The following CALHM4 variants were observed in gnomAD, a reference collection of about 807,000 sequenced individuals.
CALHM4 encodes the protein calcium homeostasis modulator family member 4, also known as calcium homeostasis modulator protein 4.
CALHM4 carries 16 observed loss-of-function variants against 13.3 expected under a neutral mutation model. That is an observed-to-expected ratio of 1.20 (90% CI 0.81 to 1.82). The LOEUF is 1.82. Ranked by LOEUF, CALHM4 falls within the 40% of genes most tolerant of loss-of-function variation. The pLI, the probability that CALHM4 is intolerant of heterozygous loss-of-function variation, is 0.00. For synonymous variants in CALHM4, 127 were observed against 137.1 expected, an observed-to-expected ratio of 0.93 and a Z score of 0.52; for missense variants, 344 against 374.9, an observed-to-expected ratio of 0.92 and a Z score of 0.68.
intron 2 of CALHM4, among the ~76,000 whole-genome samples, chr6:116,544,149 A>AG (rs1773626252): frequency 2.9e-5 from 2 of 69,616 alleles, no homozygotes; most frequent in South Asian, 4.0e-4. Context: ...GCAAAGGTGA[A>AG]GAAGAGAGAG....
chr6:116,541,043 A>G (rs1219975929), intron 1 of CALHM4, among the ~76,000 whole-genome samples: 1 of 152,166 alleles, frequency 6.6e-6, no homozygotes, highest in African/African-American at 2.4e-5. Context: ...CTCATTTTTC[A>G]TTCCAGGGAA....
In CALHM4 at chr6:116,554,203, C is replaced by T. The variant is rs1774205883; in HGVS notation, c.410C>T (p.Ala137Val). The T allele has an allele frequency of 1.9e-6, 3 of 1,550,592 alleles. No individual in the cohort carries two copies. Among genetic ancestry groups the T allele is most frequent in the Non-Finnish European group, 1.7e-6 (2 of 1,146,996 alleles). Reference protein sequence around the residue: ...TYYECAASEFASVDHYPMFDN... With the variant: ...TYYECAASEFVSVDHYPMFDN... Reference sequence around the variant, plus strand: ...TATGAATGTGCAGCAAGTGAATTTGCATCTGTGGACCATTACCCAATGTTT... The same window carrying T: ...TATGAATGTGCAGCAAGTGAATTTGTATCTGTGGACCATTACCCAATGTTT... Residue 137 changes from alanine (A) to valine (V), a missense_variant, in exon 1 of 2, where the codon GCA becomes GTA. Ala to Val is a moderately conservative substitution (Grantham distance 64). Transcript: ENST00000368596.
intron 2 of CALHM4, among the ~76,000 whole-genome samples, chr6:116,546,291 A>G (rs879569891): frequency 6.6e-6 from 1 of 152,326 alleles, no homozygotes; most frequent in East Asian, 1.9e-4. Flanking sequence ...GACGTAAGCT[A>G]TTGAAGGCTC....
intron 2 of CALHM4, among the ~76,000 whole-genome samples, chr6:116,545,962 T>C (rs182923490): frequency 2.0e-5 from 3 of 152,348 alleles, no homozygotes; most frequent in Non-Finnish European, 2.9e-5. Flanking sequence ...CTTGGATTGA[T>C]TGTTGTAAGA....
chr6:116,553,916 T>C lies in CALHM4; in HGVS notation c.123T>C (p.Cys41=). 6.4e-7 allele frequency: 1 copy of C among 1,550,686 alleles called. No homozygotes were observed. The highest frequency in any genetic ancestry group is 1.2e-5 in the South Asian group (1 of 84,068). Residue 41 remains cysteine (C), a synonymous_variant, in exon 1 of 2, where the codon TGT becomes TGC. Coordinates refer to ENST00000368596, the MANE Select transcript of CALHM4 (RefSeq NM_001366078.2). Reference sequence around the variant, plus strand: ...TCTTCTCCTCTTCTACATTCAGCTGTCCTTGTCAGGTTGGAAAAAATTTCT... The same window carrying C: ...TCTTCTCCTCTTCTACATTCAGCTGCCCTTGTCAGGTTGGAAAAAATTTCT... ...QQLFSSSTFS[C]PCQVGKNFYY...
intron 1 of CALHM4, chr6:116,540,585 G>A: frequency 1.0e-6 from 1 of 955,562 alleles, no homozygotes; most frequent in South Asian, 1.6e-5. Flanking sequence ...AACCAAATAT[G>A]ACGAGTCAAA....
intron 2 of CALHM4, among the ~76,000 whole-genome samples, chr6:116,548,085 C>G (rs1023936964): frequency 6.6e-6 from 1 of 152,052 alleles, no homozygotes; most frequent in African/African-American, 2.4e-5. Flanking sequence ...AACTTAATGC[C>G]CATTGTGGTA....
Position 116,553,936 on chromosome 6 carries a change from A to C in CALHM4, c.143A>C (p.Asn48Thr). Residue 48 changes from asparagine (N) to threonine (T), a missense_variant, in exon 1 of 2, where the codon AAT becomes ACT. By Grantham distance (65) the Asn-to-Thr change is moderately conservative (BLOSUM62 0). Transcript: ENST00000368596. ...AGCTGTCCTTGTCAGGTTGGAAAAAATTTCTATTATGGTTCTGCTTTTCTT... is the reference window on the plus strand; with the variant it reads ...AGCTGTCCTTGTCAGGTTGGAAAAACTTTCTATTATGGTTCTGCTTTTCTT... Reference protein sequence around the residue: ...TFSCPCQVGKNFYYGSAFLVI... With the variant: ...TFSCPCQVGKTFYYGSAFLVI... The C allele has an allele frequency of 1.3e-6, 2 of 1,550,578 alleles. No individual in the cohort carries two copies. Among genetic ancestry groups the C allele is most frequent in the Admixed American group, 3.9e-5 (2 of 51,004 alleles).
intron 1 of CALHM4, among the ~76,000 whole-genome samples, chr6:116,533,117 C>G (rs1004704092): frequency 1.3e-5 from 2 of 152,252 alleles, no homozygotes; most frequent in African/African-American, 2.4e-5. Flanking sequence ...TGGGCTTCCA[C>G]GGAAGAAAGT....
At chr6:116,549,932 T>A (rs1773974709), upstream of CALHM4, among the ~76,000 whole-genome samples, 1 of 145,856 alleles carries the variant, frequency 6.9e-6, no homozygotes, top group African/African-American at 2.5e-5. Flanking sequence ...GCCGAGATCA[T>A]GCCATTGCAC....
chr6:116,548,820 A>G (rs938111496), upstream of CALHM4, among the ~76,000 whole-genome samples: 12 of 152,354 alleles, frequency 7.9e-5, 1 homozygote, highest in East Asian at 7.7e-4. Flanking sequence ...ATTTCATAAT[A>G]AAGTATTGAA....
chr6:116,545,958 T>C (rs2115260407), intron 2 of CALHM4, among the ~76,000 whole-genome samples: 1 of 152,344 alleles, frequency 6.6e-6, no homozygotes, highest in East Asian at 1.9e-4. Flanking sequence ...CAGTCTTGGA[T>C]TGATTGTTGT....
intron 1 of CALHM4, among the ~76,000 whole-genome samples, chr6:116,537,592 T>C (rs941287705): frequency 2.6e-5 from 4 of 152,184 alleles, no homozygotes; most frequent in South Asian, 4.1e-4. Flanking sequence ...ATCTGGAGCA[T>C]TGAAAGAACT....
intron 1 of CALHM4, 27 bp downstream of exon 1, chr6:116,554,378 T>C (rs1303745019): frequency 2.7e-6 from 4 of 1,487,122 alleles, no homozygotes; most frequent in East Asian, 2.5e-5. Context: ...TTTTTCCCTC[T>C]GCTATGTTAT....
At chr6:116,554,533 C>T (rs940173344) in intron 1 of CALHM4, among the ~76,000 whole-genome samples, 182 bp downstream of exon 1, 2 of 152,022 alleles carry the variant, frequency 1.3e-5, no homozygotes, top group Non-Finnish European at 2.9e-5. Context: ...GCTTTGGAGT[C>T]AGCAGAACTG....
In CALHM4 at chr6:116,560,186, T is replaced by G. The variant is rs757786602; in HGVS notation, c.*1975T>G. Among the ~76,000 whole-genome samples, 1 of 152,194 alleles carries G rather than the reference T, an allele frequency of 6.6e-6. No individual in the cohort carries two copies. Among genetic ancestry groups the G allele is most frequent in the Non-Finnish European group, 1.5e-5 (1 of 68,018 alleles). ...CTATATAACTGATAATTTTTTATAT[T>G]CTTCTGTATTGGAACATACTAGTTA... On this transcript the variant is annotated 3_prime_UTR_variant, in exon 2 of 2. Coordinates refer to ENST00000368596, the MANE Select transcript of CALHM4 (RefSeq NM_001366078.2).
intron 2 of CALHM4, among the ~76,000 whole-genome samples, chr6:116,544,398 A>G (rs1773649028): frequency 6.6e-6 from 1 of 151,966 alleles, no homozygotes; most frequent in East Asian, 1.9e-4. Flanking sequence ...CTGGTTCAGT[A>G]CCCATAAAGG....
intron 1 of CALHM4, among the ~76,000 whole-genome samples, chr6:116,539,780 C>A (rs1374931251): frequency 1.3e-5 from 2 of 152,140 alleles, no homozygotes; most frequent in Non-Finnish European, 2.9e-5. Context: ...AACAACACTA[C>A]ATTAATAACC....
rs746516675 is a variant in CALHM4, at chr6:116,554,298, G to C, written c.505G>C (p.Asp169His). ...GFPCCRSAPS[D>H]VILVRDEIAL... ...TCCATGTTGCAGATCAGCTCCTTCT[G>C]ACGTGATCCTAGTAAGAGATGAAAT... The change falls in exon 1 of 2, where the codon GAC becomes CAC. Residue 169 changes from aspartate (D) to histidine (H), a missense_variant. Transcript: ENST00000368596. 9.0e-6 allele frequency: 14 copies of C among 1,549,940 alleles called. No individual in the cohort carries two copies. The highest frequency in any genetic ancestry group is 2.0e-5 in the Admixed American group (1 of 50,980).
Sources: gnomAD v4.1 joint callset for allele counts (sites outside exome capture counted in the v4.1 genomes callset) on GRCh38, gnomAD v4.1.1 for gene constraint, MANE v1.5 for transcripts, NCBI Gene and HGNC (gene_info 2026-07-23, HGNC 2026-07-21) for gene names.